Variants in TENM4 observed in about 807,000 individuals in gnomAD.
The protein encoded by TENM4 is teneurin transmembrane protein 4.
TENM4 carries 82 observed loss-of-function variants against 243.3 expected under a neutral mutation model. That is an observed-to-expected ratio of 0.34 (90% CI 0.28 to 0.40). TENM4 has a LOEUF of 0.40. TENM4 is among the 10% of genes least tolerant of loss of function. The pLI is 1.00. For synonymous variants in TENM4, 1,412 were observed against 1,456.3 expected (o/e 0.97, Z 0.69); for missense variants, 3,138 against 3,673.3 (o/e 0.85, Z 3.77).
At chr11:79,320,313 C>G (rs540866714) in intron 1 of TENM4, among the ~76,000 whole-genome samples, 3 of 152,310 alleles carry the variant, frequency 2.0e-5, no homozygotes, top group African/African-American at 7.2e-5. Context: ...ATGATGCAAA[C>G]TATCTAAATT....
intron 1 of TENM4, among the ~76,000 whole-genome samples, chr11:79,435,877 C>T (rs1233659811): frequency 2.0e-5 from 3 of 152,190 alleles, no homozygotes; most frequent in Non-Finnish European, 2.9e-5. Flanking sequence ...GGTTATGTAA[C>T]ATGTCAATCT....
At chr11:79,331,327 T>G (rs1435551182) in intron 1 of TENM4, among the ~76,000 whole-genome samples, 1 of 152,058 alleles carries the variant, frequency 6.6e-6, no homozygotes, top group Non-Finnish European at 1.5e-5. Context: ...GAGTTTAGAC[T>G]CCACTCCCAC....
intron 32 of TENM4, 21 bp downstream of exon 32, chr11:78,668,914 CCT>C (rs1565322594): frequency 2.1e-5 from 34 of 1,599,230 alleles, no homozygotes; most frequent in Non-Finnish European, 2.8e-5. Context: ...GGGTCCTGCC[CCT>C]GAGTGAGCCG....
chr11:79,420,065 G>A (rs1460579544), intron 1 of TENM4, among the ~76,000 whole-genome samples: 2 of 152,160 alleles, frequency 1.3e-5, no homozygotes, highest in African/African-American at 2.4e-5. Flanking sequence ...CCAACCCACT[G>A]TGTTCTCTTT....
chr11:78,943,454 G>A (rs185831370), intron 6 of TENM4, among the ~76,000 whole-genome samples: 1 of 152,308 alleles, frequency 6.6e-6, no homozygotes, highest in African/African-American at 2.4e-5. Context: ...GTGCAAATGA[G>A]CAGGAAACAA....
In TENM4 at chr11:79,058,282, G is replaced by A. The variant is rs574091434; in HGVS notation, c.493+6456C>T. On this transcript the variant is annotated intron_variant, in intron 6 of 33. Coordinates refer to ENST00000278550, the MANE Select transcript of TENM4 (RefSeq NM_001098816.3). ...TAATGGGCCAGGTGCGGTGGCTCACGCCTGTAATCCCAGCACTTTGGGAGG... is the reference window on the plus strand; with the variant it reads ...TAATGGGCCAGGTGCGGTGGCTCACACCTGTAATCCCAGCACTTTGGGAGG... Among the ~76,000 whole-genome samples the A allele has an allele frequency of 1.8e-3, 280 of 152,276 alleles. 1 individual carries two copies. The highest frequency in any genetic ancestry group is 6.2e-3 in the African/African-American group (256 of 41,548).
rs1285654934 is a variant in TENM4 at position 79,092,533 on chromosome 11, C to T, written c.-65-22524G>A. Among the ~76,000 whole-genome samples the T allele has an allele frequency of 4.6e-5, 7 of 152,318 alleles. No individual in the cohort carries two copies. In the South Asian group the frequency reaches 6.2e-4, roughly 14 times the overall value. On this transcript the variant is annotated intron_variant, in intron 4 of 33. Coordinates refer to ENST00000278550, the MANE Select transcript of TENM4 (RefSeq NM_001098816.3). ...GTGTGGCCTCTATCTTCTCACATGG[C>T]TAGCAGAGTGTGCACAATTGGTAGG... is the stretch of plus-strand genomic sequence containing the variant.
At chr11:78,712,997 G>C (rs1044187287) in intron 25 of TENM4, among the ~76,000 whole-genome samples, 1 of 152,160 alleles carries the variant, frequency 6.6e-6, no homozygotes, top group Non-Finnish European at 1.5e-5. Flanking sequence ...AAGATGACCA[G>C]CTCAGTGCCA....
chr11:78,883,191 T>C (rs1467466112), intron 9 of TENM4, among the ~76,000 whole-genome samples: 1 of 152,262 alleles, frequency 6.6e-6, no homozygotes, highest in Non-Finnish European at 1.5e-5. Context: ...CTCTGTGTTT[T>C]TCAACATCAT....
At chr11:79,164,683 G>C (rs375691515) in intron 3 of TENM4, among the ~76,000 whole-genome samples, 3 of 150,300 alleles carry the variant, frequency 2.0e-5, no homozygotes, top group Non-Finnish European at 3.0e-5. Flanking sequence ...AGGGACACAG[G>C]GGGAGGTATT....
chr11:79,096,953 C>A (rs1861098443), intron 4 of TENM4: 1 of 152,286 alleles, frequency 6.6e-6, no homozygotes. Flanking sequence ...CACACACACA[C>A]ACACACACAC....
intron 9 of TENM4, among the ~76,000 whole-genome samples, chr11:78,884,468 T>C (rs56345584): frequency 0.92 from 140,546 of 152,128 alleles, 65,577 homozygotes; most frequent in Non-Finnish European, 1. Flanking sequence ...CCCAGGGCTA[T>C]TATATAGCAT....
rs772356364 is a variant in TENM4, at chr11:79,438,162, G to A, written c.-321+2347C>T. The stretch of plus-strand genomic sequence containing the variant: ...ATCACCATCTCCTGACTGCGGGCTG[G>A]GGGGAAGGGAGTTCAGGGCCAATGT... On this transcript the variant is annotated intron_variant, in intron 1 of 33. Coordinates refer to ENST00000278550, the MANE Select transcript of TENM4 (RefSeq NM_001098816.3). This position sits in a 1 kb window ranked among gnomAD's most constrained non-coding sequence, Gnocchi z 4.1. Among the ~76,000 whole-genome samples the A allele has an allele frequency of 2.6e-5, 4 of 152,130 alleles. No homozygotes were observed. Among genetic ancestry groups the A allele is most frequent in the African/African-American group, 4.8e-5 (2 of 41,412 alleles).
chr11:79,277,470 A>T (rs1856078467), intron 2 of TENM4, among the ~76,000 whole-genome samples: 1 of 152,204 alleles, frequency 6.6e-6, no homozygotes, highest in Non-Finnish European at 1.5e-5. Context: ...CCCCCTGACA[A>T]TGTCTAATCA....
intron 6 of TENM4, among the ~76,000 whole-genome samples, chr11:78,904,468 A>G (rs1349757936): frequency 6.6e-6 from 1 of 152,064 alleles, no homozygotes; most frequent in African/African-American, 2.4e-5. Context: ...GGCAGTGGTG[A>G]AATTTTAGAT....
At chr11:79,118,271 G>C (rs1437703450) in intron 4 of TENM4, among the ~76,000 whole-genome samples, 1 of 152,116 alleles carries the variant, frequency 6.6e-6, no homozygotes, top group Non-Finnish European at 1.5e-5. Context: ...AAATGATAAA[G>C]AGAAGAGAAA....
chr11:78,712,769 C>T lies in TENM4; in HGVS notation c.3822-55G>A, dbSNP rs544467105. 70 of 1,517,292 alleles carry T rather than the reference C, an allele frequency of 4.6e-5. No individual in the cohort carries two copies. The East Asian group carries it at 1.4e-3, about 31-fold the overall frequency. 94.0% of individuals were successfully genotyped at this position (1,517,292 alleles called of 1,614,324 possible). A position where few individuals can be genotyped will look rare whatever the true frequency, so the allele number is the denominator to read the frequency against. ...AGCATTTTCTTCTTCCTATGAGTAGCTGGAGATGTACAGATGAACCCCTGG... is the reference window on the plus strand; with the variant it reads ...AGCATTTTCTTCTTCCTATGAGTAGTTGGAGATGTACAGATGAACCCCTGG... On this transcript the variant is annotated intron_variant, in intron 25 of 33. Coordinates refer to ENST00000278550, the MANE Select transcript of TENM4 (RefSeq NM_001098816.3).
At position 78,713,420 on chromosome 11, in the gene TENM4, T is replaced by C. The variant is rs766406202; in HGVS notation, c.3822-706A>G. On this transcript the variant is annotated intron_variant, in intron 25 of 33. Coordinates refer to ENST00000278550, the MANE Select transcript of TENM4 (RefSeq NM_001098816.3). ...TGGTTCTGTTTCTGGAAAACAGTTA[T>C]AAAGATCAGGCTGTGCCAACAGAGA... Among the ~76,000 whole-genome samples the C allele has an allele frequency of 2.6e-5, 4 of 152,330 alleles. No individual in the cohort carries two copies. The South Asian group carries it at 6.2e-4, about 24-fold the overall frequency.
intron 1 of TENM4, among the ~76,000 whole-genome samples, chr11:79,355,078 T>C (rs1191783222): frequency 1.3e-5 from 2 of 152,234 alleles, no homozygotes; most frequent in Non-Finnish European, 2.9e-5. Context: ...CAAACCTTTT[T>C]AACTTTTAGA....
Sources: allele counts gnomAD v4.1 joint callset (sites outside exome capture counted in the v4.1 genomes callset), GRCh38; gene constraint gnomAD v4.1.1; non-coding constraint Gnocchi (gnomAD v3.1); transcripts MANE v1.5; gene names NCBI Gene and HGNC (gene_info 2026-07-23, HGNC 2026-07-21).